The following VPS35L variants were observed in gnomAD, a reference collection of about 807,000 sequenced individuals.
VPS35L encodes VPS35 endosomal protein-sorting factor-like.
Under a neutral mutation model 133.0 loss-of-function variants are expected in VPS35L, and 83 were observed. That is an observed-to-expected ratio of 0.62 (90% CI 0.52 to 0.75). The LOEUF is 0.75. VPS35L is among the 30% of genes least tolerant of loss of function. The pLI is 0.00. For missense variants in VPS35L, 1,083 were observed against 1,206.8 expected, an observed-to-expected ratio of 0.90 and a Z score of 1.52; for synonymous variants, 423 against 449.9, an observed-to-expected ratio of 0.94 and a Z score of 0.76.
intron 29 of VPS35L, among the ~76,000 whole-genome samples, chr16:19,693,611 C>T (rs1597445433): frequency 6.6e-6 from 1 of 152,192 alleles, no homozygotes; most frequent in East Asian, 1.9e-4. Flanking sequence ...CAAAATCCCA[C>T]CTCTACAAAA....
At chr16:19,619,308 G>A (rs994754439) in intron 14 of VPS35L, among the ~76,000 whole-genome samples, 1 of 151,964 alleles carries the variant, frequency 6.6e-6, no homozygotes, top group Non-Finnish European at 1.5e-5. Flanking sequence ...TAAATTATGA[G>A]GAGAAAAACT....
chr16:19,618,516 G>A (rs1235685660), intron 14 of VPS35L, among the ~76,000 whole-genome samples: 1 of 152,166 alleles, frequency 6.6e-6, no homozygotes, highest in Non-Finnish European at 1.5e-5. Flanking sequence ...CATGGTATAT[G>A]GCTAAGTGCA....
At chr16:19,618,802 C>G (rs1250164951) in intron 14 of VPS35L, among the ~76,000 whole-genome samples, 2 of 152,094 alleles carry the variant, frequency 1.3e-5, no homozygotes, top group African/African-American at 4.8e-5. Context: ...CGCCCCACAT[C>G]TTAGTACTCG....
intron 27 of VPS35L, 114 bp downstream of exon 27, chr16:19,669,413 G>T: frequency 1.6e-6 from 2 of 1,288,332 alleles, no homozygotes; most frequent in South Asian, 1.8e-5. Context: ...TCTTTGTGTT[G>T]GTTTTCCAGT....
chr16:19,643,676 T>G (rs1012939079), intron 22 of VPS35L, among the ~76,000 whole-genome samples: 2 of 152,068 alleles, frequency 1.3e-5, no homozygotes, highest in Non-Finnish European at 1.5e-5. Context: ...CTGGGCATGG[T>G]GTCTCACACC....
At chr16:19,674,184 C>CTTTTTTTTTTTTTTTTTTTTTTTTT (rs201038834) in intron 27 of VPS35L, among the ~76,000 whole-genome samples, 1 of 70,906 alleles carries the variant, frequency 1.4e-5, no homozygotes, top group Admixed American at 2.2e-4. Flanking sequence ...TTTTCTTTTT[C>CTTTTTTTTTTTTTTTTTTTTTTTTT]TTTTTTTTTT....
intron 8 of VPS35L, among the ~76,000 whole-genome samples, chr16:19,597,341 T>A (rs2151534315): frequency 6.8e-6 from 1 of 147,640 alleles, no homozygotes; most frequent in Non-Finnish European, 1.5e-5. Context: ...CACTGCACCC[T>A]AGCAAAAGTA....
At chr16:19,616,873 G>T in intron 14 of VPS35L, 65 bp downstream of exon 14, 1 of 1,604,984 alleles carries the variant, frequency 6.2e-7, no homozygotes, top group Non-Finnish European at 8.5e-7. Flanking sequence ...TGCCCACTGT[G>T]CCCTTTAACG....
rs138284435 is a variant in VPS35L, at chr16:19,568,715, G to A, written c.118-709G>A. The stretch of plus-strand genomic sequence containing the variant: ...GCTTGGAGTGCAGTGGTGCGATCTC[G>A]GCTCACTGCAACCTCCACCTCCTGG... On this transcript the variant is annotated intron_variant, in intron 2 of 30. Transcript: ENST00000417362. Among the ~76,000 whole-genome samples the A allele has an allele frequency of 2.2e-3, 333 of 151,900 alleles. 1 individual carries two copies. Among genetic ancestry groups the A allele is most frequent in the African/African-American group, 7.1e-3 (296 of 41,416 alleles).
At chr16:19,679,252 C>G (rs902644736) in intron 27 of VPS35L, among the ~76,000 whole-genome samples, 58 of 151,844 alleles carry the variant, frequency 3.8e-4, no homozygotes, top group Non-Finnish European at 7.1e-4. Flanking sequence ...GGATGTCAGA[C>G]TTTTGAGCAT....
chr16:19,558,723 C>T (rs1489791254), intron 1 of VPS35L, among the ~76,000 whole-genome samples: 2 of 151,834 alleles, frequency 1.3e-5, no homozygotes, highest in Admixed American at 6.6e-5. Flanking sequence ...GAGTTCAAGA[C>T]CAGCCTGACC....
At chr16:19,601,913 G>A (rs1597348288) in intron 9 of VPS35L, among the ~76,000 whole-genome samples, 190 bp downstream of exon 9, 3 of 152,104 alleles carry the variant, frequency 2.0e-5, no homozygotes, top group African/African-American at 7.2e-5. Context: ...TAAATGGCCC[G>A]TGTAGGAACT....
chr16:19,581,719 G>C (rs767598445), intron 7 of VPS35L, 66 bp downstream of exon 7: 16 of 1,546,152 alleles, frequency 1.0e-5, no homozygotes, highest in South Asian at 5.7e-5. Flanking sequence ...GTGAGACTTA[G>C]AGTTTTCAGG....
intron 1 of VPS35L, among the ~76,000 whole-genome samples, chr16:19,561,307 C>T (rs1442366546): frequency 3.9e-5 from 6 of 151,960 alleles, no homozygotes; most frequent in African/African-American, 1.5e-4. Flanking sequence ...GGAGGCGGAG[C>T]TTGCACTGAG....
intron 27 of VPS35L, among the ~76,000 whole-genome samples, chr16:19,680,670 A>G (rs1412037607): frequency 6.6e-6 from 1 of 152,158 alleles, no homozygotes; most frequent in Non-Finnish European, 1.5e-5. Flanking sequence ...CCAGCAGTTC[A>G]GGAGGCCAAG....
intron 12 of VPS35L, chr16:19,611,915 C>G (rs1411315605): frequency 6.6e-6 from 1 of 151,692 alleles, no homozygotes; most frequent in Admixed American, 6.6e-5. Context: ...GGGAGAGATG[C>G]AAAGATATTG....
chr16:19,655,730 A>G (rs2151591306), intron 26 of VPS35L, among the ~76,000 whole-genome samples: 1 of 152,300 alleles, frequency 6.6e-6, no homozygotes, highest in Non-Finnish European at 1.5e-5. Context: ...ACCCCAGAGT[A>G]TTTAGGAGAA....
chr16:19,579,200 C>T lies in VPS35L; in HGVS notation c.510+72C>T, dbSNP rs535260620. 143 of 1,365,912 alleles carry T rather than the reference C, an allele frequency of 1.0e-4. 2 individuals carry two copies. In the South Asian group the frequency reaches 1.4e-3, roughly 13 times the overall value. 84.6% of individuals were successfully genotyped at this position (1,365,912 alleles called of 1,614,324 possible). Reference sequence around the variant, plus strand: ...TCCTCCTGCCAAGTGAGATCAACCTCGGTGGCTGCTCTTTGATTAATTCCT... The same window carrying T: ...TCCTCCTGCCAAGTGAGATCAACCTTGGTGGCTGCTCTTTGATTAATTCCT... On this transcript the variant is annotated intron_variant, in intron 6 of 30. Transcript: ENST00000417362.
At chr16:19,698,677 G>C (rs1976003699) in intron 29 of VPS35L, among the ~76,000 whole-genome samples, 1 of 152,160 alleles carries the variant, frequency 6.6e-6, no homozygotes, top group African/African-American at 2.4e-5. Context: ...CGCATTCACT[G>C]TCAGGGAGCA....
Sources: gnomAD v4.1 joint callset for allele counts (sites outside exome capture counted in the v4.1 genomes callset) on GRCh38, gnomAD v4.1.1 for gene constraint, MANE v1.5 for transcripts, NCBI Gene and HGNC (gene_info 2026-07-23, HGNC 2026-07-21) for gene names.